The following SLIT3 variants were observed in gnomAD, a reference collection of about 807,000 sequenced individuals.
SLIT3 encodes slit homolog 3 protein.
In SLIT3, 68 loss-of-function variants were observed where a neutral mutation model predicts 184.0. The ratio of observed to expected loss-of-function variants is 0.37; its 90% CI spans 0.30 to 0.45. The LOEUF is 0.45. Ranked by LOEUF, SLIT3 falls within the 20% of genes least tolerant of loss-of-function variation. The pLI, the probability that SLIT3 is intolerant of heterozygous loss-of-function variation, is 1.00. For missense variants in SLIT3, 1,707 were observed against 2,026.0 expected (o/e 0.84, Z 3.02); for synonymous variants, 831 against 828.6 (o/e 1.00, Z -0.05).
intron 4 of SLIT3, among the ~76,000 whole-genome samples, chr5:168,994,623 CTTTTTTTTTTTTTTTTTTTTTTT>C (rs66498923): frequency 5.7e-4 from 27 of 47,100 alleles, no homozygotes; most frequent in South Asian, 2.7e-3. Flanking sequence ...TGGCATTCTA[CTTTTTTTTTTTTTTTTTTTTTTT>C]TTTTTTTTTT....
Position 169,187,961 on chromosome 5 carries a change from G to A in SLIT3, c.413+5518C>T, listed in dbSNP as rs536707173. ...TCACATCTGGTAAAAGACAGAAGGT[G>A]TATTTTGTTTGTTTGAGATGGGGTC... On this transcript the variant is annotated intron_variant, in intron 4 of 35. Coordinates refer to ENST00000519560, the MANE Select transcript of SLIT3 (RefSeq NM_003062.4). Among the ~76,000 whole-genome samples, 13 of 152,202 alleles carry A rather than the reference G, an allele frequency of 8.5e-5. No homozygotes were observed. In the East Asian group the frequency reaches 1.2e-3, roughly 14 times the overall value.
chr5:169,167,478 G>A (rs908948931), intron 4 of SLIT3, among the ~76,000 whole-genome samples: 2 of 151,560 alleles, frequency 1.3e-5, no homozygotes, highest in Non-Finnish European at 2.9e-5. Context: ...GGGTTTCACC[G>A]TGTTAGCCAG....
intron 3 of SLIT3, among the ~76,000 whole-genome samples, chr5:169,243,480 C>T (rs1339475878): frequency 1.3e-5 from 2 of 152,184 alleles, no homozygotes; most frequent in African/African-American, 2.4e-5. Flanking sequence ...TATTTTCAAA[C>T]CAACACCAGC....
intron 5 of SLIT3, among the ~76,000 whole-genome samples, chr5:168,875,507 A>G (rs1759699945): frequency 6.6e-6 from 1 of 151,982 alleles, no homozygotes; most frequent in Admixed American, 6.6e-5. Flanking sequence ...GGTGGCAGGC[A>G]CCGGTAATCC....
chr5:169,131,156 T>C (rs1364563355), intron 4 of SLIT3, among the ~76,000 whole-genome samples: 1 of 152,218 alleles, frequency 6.6e-6, no homozygotes, highest in East Asian at 1.9e-4. Flanking sequence ...ATTAATTATC[T>C]GCAACTACAT....
intron 14 of SLIT3, 87 bp from the exon 15 acceptor site, chr5:168,762,776 A>C: frequency 1.5e-6 from 2 of 1,356,510 alleles, no homozygotes; most frequent in Non-Finnish European, 2.1e-6. Context: ...GGAGACAGAG[A>C]TGGGGGAATG....
At chr5:168,941,706 C>T (rs1169207391) in intron 4 of SLIT3, among the ~76,000 whole-genome samples, 2 of 152,128 alleles carry the variant, frequency 1.3e-5, no homozygotes, top group Non-Finnish European at 2.9e-5. Flanking sequence ...AAAGGCTCAT[C>T]GAAAGGGTGC....
At chr5:168,708,342 A>G (rs1437262092) in intron 25 of SLIT3, 4 of 577,292 alleles carry the variant, frequency 6.9e-6, no homozygotes, top group Admixed American at 6.1e-5. Flanking sequence ...CTGCAGTCAA[A>G]TCAATTACTG....
Position 168,663,402 on chromosome 5 carries a change from T to C in SLIT3, c.*3052A>G, listed in dbSNP as rs1760935820. On this transcript the variant is annotated 3_prime_UTR_variant, in exon 36 of 36. Transcript: ENST00000519560. ...TCTAAGCTACCATAGACATTTGTGA[T>C]CCATCTGGCCGGCAGTGTTTTCTAG... 6.6e-6 allele frequency: 1 copy of C among 152,184 alleles called. No individual in the cohort carries two copies. The highest frequency in any genetic ancestry group is 1.5e-5 in the Non-Finnish European group (1 of 68,076). The allele number at this position is 152,184 out of a possible 1,614,324, so 9.4% of individuals were successfully genotyped here.
intron 9 of SLIT3, among the ~76,000 whole-genome samples, chr5:168,800,738 C>T (rs1345763685): frequency 6.6e-6 from 1 of 152,188 alleles, no homozygotes; most frequent in Non-Finnish European, 1.5e-5. Context: ...GTATTGCCTA[C>T]AGAAAGCAGA....
intron 4 of SLIT3, among the ~76,000 whole-genome samples, chr5:169,144,119 C>A (rs1368496418): frequency 6.6e-6 from 1 of 152,136 alleles, no homozygotes; most frequent in Non-Finnish European, 1.5e-5. Context: ...AAAATGAGGG[C>A]CATTATGGTA....
At chr5:169,122,583 G>C (rs1462253132) in intron 4 of SLIT3, among the ~76,000 whole-genome samples, 1 of 152,078 alleles carries the variant, frequency 6.6e-6, no homozygotes, top group Non-Finnish European at 1.5e-5. Flanking sequence ...CACAACAAAG[G>C]GATACAGATT....
intron 4 of SLIT3, among the ~76,000 whole-genome samples, chr5:168,894,164 T>A (rs1760573855): frequency 6.6e-6 from 1 of 152,172 alleles, no homozygotes; most frequent in African/African-American, 2.4e-5. Flanking sequence ...TCAAAAAACC[T>A]AAAGGCAGAG....
At chr5:169,161,190 C>T (rs980945589) in intron 4 of SLIT3, among the ~76,000 whole-genome samples, 2 of 152,330 alleles carry the variant, frequency 1.3e-5, no homozygotes, top group South Asian at 2.1e-4. Flanking sequence ...GGCATCCCAG[C>T]GGTGCCCCAG....
chr5:169,241,651 C>T (rs11739317), intron 3 of SLIT3, among the ~76,000 whole-genome samples: 2,358 of 152,272 alleles, frequency 0.015, 21 homozygotes, highest in South Asian at 0.029. Context: ...TGTCATGCCT[C>T]GCTCAAGTCT....
chr5:168,846,985 GA>G (rs1758495906), intron 5 of SLIT3, among the ~76,000 whole-genome samples: 1 of 152,150 alleles, frequency 6.6e-6, no homozygotes, highest in Non-Finnish European at 1.5e-5. Context: ...TTTTTTAAAA[GA>G]CTAAACACAC....
chr5:168,921,274 C>A (rs1761627117), intron 4 of SLIT3, among the ~76,000 whole-genome samples: 1 of 152,166 alleles, frequency 6.6e-6, no homozygotes, highest in Non-Finnish European at 1.5e-5. Flanking sequence ...TTCCTGAATA[C>A]TTTACTTCTC....
intron 28 of SLIT3, among the ~76,000 whole-genome samples, chr5:168,693,348 G>A (rs1761961575): frequency 6.6e-6 from 1 of 152,202 alleles, no homozygotes. Context: ...TTTCAGGGAA[G>A]GAAGTATGAA....
chr5:168,877,920 GT>G (rs992722793), intron 5 of SLIT3, among the ~76,000 whole-genome samples: 4 of 151,868 alleles, frequency 2.6e-5, no homozygotes, highest in African/African-American at 9.6e-5. Context: ...TGGCTGGATT[GT>G]GGCCTGTCAT....
Sources: allele counts gnomAD v4.1 joint callset (sites outside exome capture counted in the v4.1 genomes callset), GRCh38; gene constraint gnomAD v4.1.1; transcripts MANE v1.5; gene names NCBI Gene and HGNC (gene_info 2026-07-23, HGNC 2026-07-21).